COBLL1: variants seen among roughly 807,000 people sequenced by gnomAD.
COBLL1 encodes the protein cordon-bleu WH2 repeat protein like 1, also known as cordon-bleu protein-like 1.
In COBLL1, 50 loss-of-function variants were observed where a neutral mutation model predicts 94.8. The observed-to-expected ratio is 0.53, with a 90% CI of 0.42 to 0.67. The LOEUF is 0.67. Among genes scored for constraint, COBLL1 ranks in the 30% least tolerant of loss-of-function variants. The pLI is 0.00. For missense variants in COBLL1, 1,362 were observed against 1,348.7 expected, an observed-to-expected ratio of 1.01 and a Z score of -0.15; for synonymous variants, 448 against 473.8, an observed-to-expected ratio of 0.95 and a Z score of 0.71.
chr2:164,833,894 C>A (rs1023267106), intron 2 of COBLL1, among the ~76,000 whole-genome samples: 1 of 152,160 alleles, frequency 6.6e-6, no homozygotes, highest in African/African-American at 2.4e-5. Context: ...TACCCATGCT[C>A]ACTCTATCAT....
intron 4 of COBLL1, among the ~76,000 whole-genome samples, chr2:164,728,744 T>A: frequency 6.6e-6 from 1 of 152,172 alleles, no homozygotes; most frequent in African/African-American, 2.4e-5. Flanking sequence ...CATTAGCTAT[T>A]GTGATTAACT....
chr2:164,838,979 T>A (rs949752857), intron 2 of COBLL1, among the ~76,000 whole-genome samples: 1 of 152,220 alleles, frequency 6.6e-6, no homozygotes, highest in Non-Finnish European at 1.5e-5. Flanking sequence ...CAATACTGAA[T>A]ATTAAATATT....
chr2:164,741,633 T>TA (rs886763588), intron 3 of COBLL1, among the ~76,000 whole-genome samples: 16 of 152,016 alleles, frequency 1.1e-4, no homozygotes, highest in African/African-American at 3.9e-4. Flanking sequence ...TTCATAGATT[T>TA]AAAAAACTGC....
chr2:164,687,512 C>G, intron 13 of COBLL1: 1 of 1,431,690 alleles, frequency 7.0e-7, no homozygotes, highest in Non-Finnish European at 9.7e-7. Context: ...TTGGTGCGGA[C>G]GGACATGGTA....
chr2:164,752,851 C>A (rs1449553276), intron 2 of COBLL1, among the ~76,000 whole-genome samples: 2 of 152,186 alleles, frequency 1.3e-5, no homozygotes, highest in Non-Finnish European at 1.5e-5. Context: ...CACTTAATTT[C>A]TCTGGCCTTC....
intron 2 of COBLL1, among the ~76,000 whole-genome samples, chr2:164,803,342 G>T (rs1683909309): frequency 6.6e-6 from 1 of 151,748 alleles, no homozygotes; most frequent in Non-Finnish European, 1.5e-5. Flanking sequence ...GAGGCGGGCG[G>T]ATCACGAGGT....
At chr2:164,801,123 T>C (rs963239713) in intron 2 of COBLL1, among the ~76,000 whole-genome samples, 13 of 151,794 alleles carry the variant, frequency 8.6e-5, no homozygotes, top group African/African-American at 3.1e-4. Context: ...CATAGTGAGA[T>C]CTCATCACTC....
intron 2 of COBLL1, among the ~76,000 whole-genome samples, chr2:164,754,975 T>C (rs1307986025): frequency 6.6e-6 from 1 of 151,956 alleles, no homozygotes; most frequent in African/African-American, 2.4e-5. Context: ...AGAGCCTGGA[T>C]GACATAATAA....
At chr2:164,821,517 C>T (rs988297130) in intron 2 of COBLL1, among the ~76,000 whole-genome samples, 20 of 152,082 alleles carry the variant, frequency 1.3e-4, no homozygotes, top group African/African-American at 4.6e-4. Context: ...AGTCTGTGTA[C>T]AAGCGATAAA....
At chr2:164,784,785 T>G (rs1474335799) in intron 2 of COBLL1, among the ~76,000 whole-genome samples, 2 of 152,148 alleles carry the variant, frequency 1.3e-5, no homozygotes, top group Non-Finnish European at 2.9e-5. Flanking sequence ...TTTGCTATTT[T>G]CATTTTTGGA....
intron 2 of COBLL1, among the ~76,000 whole-genome samples, chr2:164,780,313 C>T (rs994513671): frequency 5.3e-5 from 8 of 152,098 alleles, no homozygotes; most frequent in Non-Finnish European, 8.8e-5. Context: ...GTTCTACTGC[C>T]ACAAATGAGA....
intron 7 of COBLL1, among the ~76,000 whole-genome samples, chr2:164,715,380 A>G (rs3820984): frequency 0.061 from 9,303 of 152,168 alleles, 348 homozygotes; most frequent in African/African-American, 0.12. Context: ...TCCACTTTCT[A>G]TATAATAAAT....
downstream of COBLL1, among the ~76,000 whole-genome samples, chr2:164,677,256 C>CT (rs111586840): frequency 1.5e-4 from 23 of 151,664 alleles, no homozygotes; most frequent in East Asian, 5.8e-4. Flanking sequence ...TTCTTTCTTT[C>CT]TTTTTTTTGC....
rs764263280 is a variant in COBLL1 at position 164,694,813 on chromosome 2, G to T, written c.2579C>A (p.Ala860Asp). 1 of 1,613,648 alleles carries T rather than the reference G, an allele frequency of 6.2e-7. No individual in the cohort carries two copies. The change falls in exon 12 of 14, where the codon GCC (alanine) becomes GAC (aspartate). Residue 860 changes from alanine (A) to aspartate (D), a missense_variant. Transcript: ENST00000652658. ...AAAAAAAGAGCTGGGTTTGGCCTGG[G>T]CATTTGAAGCCCGAGATTTAAATTT... ...ESKFKSRASN[A>D]QAKPSSFFLQ... is the part of the protein sequence containing the mutation.
intron 2 of COBLL1, among the ~76,000 whole-genome samples, chr2:164,837,108 A>C (rs1683351753): frequency 6.6e-6 from 1 of 152,226 alleles, no homozygotes; most frequent in Non-Finnish European, 1.5e-5. Context: ...TTAACTCCAT[A>C]GCTCCAAAGC....
chr2:164,797,327 C>T (rs1683515672), intron 2 of COBLL1, among the ~76,000 whole-genome samples: 1 of 152,142 alleles, frequency 6.6e-6, no homozygotes, highest in Admixed American at 6.5e-5. Flanking sequence ...TATTAAACTA[C>T]TTACTTTTTC....
At position 164,682,338 on chromosome 2, in the gene COBLL1, T is replaced by G. The variant is rs1683077819; in HGVS notation, c.*3608A>C. 6.6e-6 allele frequency: 1 copy of G among 152,308 alleles called. No homozygotes were observed. The highest frequency in any genetic ancestry group is 2.4e-5 in the African/African-American group (1 of 41,570). The allele number at this position is 152,308 out of a possible 1,614,324, so 9.4% of individuals were successfully genotyped here. A position where few individuals can be genotyped will look rare whatever the true frequency, so the allele number is the denominator to read the frequency against. Reference sequence around the variant, plus strand: ...AAGTCAGTTATCAAAATCAGTAGATTTTAAAAATGATGAGTTTGATTCTTA... The same window carrying G: ...AAGTCAGTTATCAAAATCAGTAGATGTTAAAAATGATGAGTTTGATTCTTA... On this transcript the variant is annotated 3_prime_UTR_variant, in exon 14 of 14. Coordinates refer to ENST00000652658, the MANE Select transcript of COBLL1 (RefSeq NM_001365672.2).
At position 164,760,023 on chromosome 2, in the gene COBLL1, G is replaced by A. The variant is rs1183021887; in HGVS notation, c.42-16148C>T. On this transcript the variant is annotated intron_variant, in intron 2 of 13. Coordinates refer to ENST00000652658, the MANE Select transcript of COBLL1 (RefSeq NM_001365672.2). Reference sequence around the variant, plus strand: ...ATATAGAACTAAACATACACATAACGTATGACCCAGTAATCTACTCCTAGG... The same window carrying A: ...ATATAGAACTAAACATACACATAACATATGACCCAGTAATCTACTCCTAGG... Among the ~76,000 whole-genome samples, 4 of 152,110 alleles carry A rather than the reference G, an allele frequency of 2.6e-5. 1 individual carries two copies. The highest frequency in any genetic ancestry group is 7.2e-5 in the African/African-American group (3 of 41,408).
At chr2:164,808,569 G>A (rs541786265) in intron 2 of COBLL1, among the ~76,000 whole-genome samples, 2 of 152,242 alleles carry the variant, frequency 1.3e-5, no homozygotes, top group South Asian at 2.1e-4. Flanking sequence ...GATAAGGCAT[G>A]AACAAACATC....
Sources: gnomAD v4.1 joint callset for allele counts (sites outside exome capture counted in the v4.1 genomes callset) on GRCh38, gnomAD v4.1.1 for gene constraint, MANE v1.5 for transcripts, NCBI Gene and HGNC (gene_info 2026-07-23, HGNC 2026-07-21) for gene names.